TMEM135: variants seen among roughly 807,000 people sequenced by gnomAD.
TMEM135 encodes the protein transmembrane protein 135, also known as peroxisomal membrane protein 52.
In TMEM135, 30 loss-of-function variants were observed where a neutral mutation model predicts 60.3. That is an observed-to-expected ratio of 0.50 (90% CI 0.37 to 0.68). TMEM135 has a LOEUF of 0.68. TMEM135 is among the 30% of genes least tolerant of loss of function. The pLI is 0.00. For synonymous variants in TMEM135, 190 were observed against 186.7 expected (o/e 1.02, Z -0.14); for missense variants, 468 against 548.8 (o/e 0.85, Z 1.47).
intron 5 of TMEM135, among the ~76,000 whole-genome samples, chr11:87,222,181 C>CAAAAAAAAA (rs386374401): frequency 0.019 from 1,077 of 55,396 alleles, 73 homozygotes; most frequent in Non-Finnish European, 0.029. Flanking sequence ...GACTCTGTCT[C>CAAAAAAAAA]AAAAAAAAAA....
chr11:87,105,501 A>G (rs927393458), intron 4 of TMEM135, among the ~76,000 whole-genome samples: 3 of 152,138 alleles, frequency 2.0e-5, no homozygotes, highest in African/African-American at 7.2e-5. Flanking sequence ...TCTGGTTCCA[A>G]AAAAGTTGGG....
At chr11:87,310,624 TAA>T (rs11317985) in intron 10 of TMEM135, among the ~76,000 whole-genome samples, 148 of 130,282 alleles carry the variant, frequency 1.1e-3, no homozygotes, top group East Asian at 1.1e-3. Context: ...AAGTTGCAAT[TAA>T]AAAAAAAAAA....
At chr11:87,150,232 A>G (rs1423713006) in intron 4 of TMEM135, among the ~76,000 whole-genome samples, 12 of 146,916 alleles carry the variant, frequency 8.2e-5, no homozygotes, top group Admixed American at 4.7e-4. Context: ...AAAAAAAAAA[A>G]AAAGAAAAAA....
rs951222679 is a variant in TMEM135 at position 87,182,184 on chromosome 11, G to GT, written c.462+24784dup. 2.6e-5 allele frequency among the ~76,000 whole-genome samples: 4 copies of GT among 151,964 alleles called. No individual in the cohort carries two copies. In the East Asian group the frequency reaches 7.7e-4, roughly 29 times the overall value. On this transcript the variant is annotated intron_variant, in intron 5 of 14. Coordinates refer to ENST00000305494, the MANE Select transcript of TMEM135 (RefSeq NM_022918.4). Reference sequence around the variant, plus strand: ...TGTTTGCATTTCAAATGAAATGTACGTTTTTTAGTTTTTATTAATATTATG... The same window carrying GT: ...TGTTTGCATTTCAAATGAAATGTACGTTTTTTTAGTTTTTATTAATATTATG...
At chr11:87,282,879 A>T (rs1046565713) in intron 6 of TMEM135, among the ~76,000 whole-genome samples, 84 of 152,138 alleles carry the variant, frequency 5.5e-4, no homozygotes, top group African/African-American at 1.9e-3. Flanking sequence ...ATACCATTCT[A>T]TGGGCTAGCA....
intron 12 of TMEM135, among the ~76,000 whole-genome samples, chr11:87,315,336 A>G (rs1942709627): frequency 6.6e-6 from 1 of 151,912 alleles, no homozygotes; most frequent in Non-Finnish European, 1.5e-5. Context: ...CTAGATCTTG[A>G]GACCTAAGCA....
At chr11:87,289,126 T>C (rs1942218579) in intron 6 of TMEM135, among the ~76,000 whole-genome samples, 1 of 152,232 alleles carries the variant, frequency 6.6e-6, no homozygotes, top group African/African-American at 2.4e-5. Flanking sequence ...TGCACCTTCT[T>C]CTGAGACCAC....
chr11:87,129,766 C>T (rs1937864592), intron 4 of TMEM135, among the ~76,000 whole-genome samples: 1 of 152,090 alleles, frequency 6.6e-6, no homozygotes, highest in African/African-American at 2.4e-5. Context: ...GTCTCAAACT[C>T]CTGACCTCAG....
intron 5 of TMEM135, among the ~76,000 whole-genome samples, chr11:87,223,178 T>C (rs538148907): frequency 6.6e-6 from 1 of 151,638 alleles, no homozygotes; most frequent in Admixed American, 6.6e-5. Context: ...TTTTTTTTTT[T>C]TTCTGAGATG....
chr11:87,319,642 G>A lies in TMEM135; in HGVS notation c.1244+265G>A, dbSNP rs149352789. Among the ~76,000 whole-genome samples, 175 of 151,110 alleles carry A rather than the reference G, an allele frequency of 1.2e-3. 2 individuals carry two copies. Among genetic ancestry groups the A allele is most frequent in the African/African-American group, 4.1e-3 (166 of 40,474 alleles). ...GCTACATAAATACTTAAGTCTGACT[G>A]TTTGAATCACTGTCCATTTCTTTTT... On this transcript the variant is annotated intron_variant, in intron 14 of 14. Transcript: ENST00000305494.
chr11:87,208,457 G>A (rs1479619934), intron 5 of TMEM135, among the ~76,000 whole-genome samples: 1 of 152,056 alleles, frequency 6.6e-6, no homozygotes, highest in East Asian at 1.9e-4. Context: ...CCAAGCTGAG[G>A]AAAGAATTGA....
Position 87,327,312 on chromosome 11 carries a change from A to G in TMEM135, c.*5979A>G. 1 of 454,052 alleles carries G rather than the reference A, an allele frequency of 2.2e-6. No homozygotes were observed. Among genetic ancestry groups the G allele is most frequent in the South Asian group, 1.6e-5 (1 of 64,476 alleles). 28.1% of individuals were successfully genotyped at this position (454,052 alleles called of 1,614,324 possible). ...AGTAGGGTCTGAATCTGTGGCAGCA[A>G]TCTTGCAGACATGAAATGAAAAGTA... is the stretch of plus-strand genomic sequence containing the variant. On this transcript the variant is annotated 3_prime_UTR_variant, in exon 15 of 15. Coordinates refer to ENST00000305494, the MANE Select transcript of TMEM135 (RefSeq NM_022918.4).
rs752245078 is a variant in TMEM135, at chr11:87,321,676, T to G, written c.*343T>G. ...CTTAAAATTACTTTAAAAGATGTCTTTAGTTCATTCCAATATAATTCTTGA... is the reference window on the plus strand; with the variant it reads ...CTTAAAATTACTTTAAAAGATGTCTGTAGTTCATTCCAATATAATTCTTGA... On this transcript the variant is annotated 3_prime_UTR_variant, in exon 15 of 15. Transcript: ENST00000305494. 6.3e-6 allele frequency: 3 copies of G among 479,898 alleles called. No homozygotes were observed. The highest frequency in any genetic ancestry group is 1.2e-5 in the Non-Finnish European group (3 of 244,700). 29.7% of individuals were successfully genotyped at this position (479,898 alleles called of 1,614,324 possible). A position where few individuals can be genotyped will look rare whatever the true frequency, so the allele number is the denominator to read the frequency against.
chr11:87,096,872 C>A (rs1053240478), intron 4 of TMEM135, among the ~76,000 whole-genome samples: 10 of 152,034 alleles, frequency 6.6e-5, no homozygotes, highest in Non-Finnish European at 1.3e-4. Context: ...TTTTCATTAC[C>A]CACATATTTT....
chr11:87,325,176 T>C lies in TMEM135; in HGVS notation c.*3843T>C. ...TAGATTCTAGGGCTTTGTAGTACTA[T>C]GTTTCTGTTTAAAGTAGTGGCCTCA... On this transcript the variant is annotated 3_prime_UTR_variant, in exon 15 of 15. Coordinates refer to ENST00000305494, the MANE Select transcript of TMEM135 (RefSeq NM_022918.4). 1 of 454,106 alleles carries C rather than the reference T, an allele frequency of 2.2e-6. No individual in the cohort carries two copies. Among genetic ancestry groups the C allele is most frequent in the Non-Finnish European group, 4.4e-6 (1 of 226,782 alleles). 28.1% of individuals were successfully genotyped at this position (454,106 alleles called of 1,614,324 possible).
At chr11:87,077,231 G>A (rs1856892322) in intron 3 of TMEM135, among the ~76,000 whole-genome samples, 1 of 152,196 alleles carries the variant, frequency 6.6e-6, no homozygotes, top group South Asian at 2.1e-4. Context: ...ATGGAATGAT[G>A]CAATGTATAA....
chr11:87,055,742 C>G lies in TMEM135; in HGVS notation c.142-11952C>G, dbSNP rs1949888372. Among the ~76,000 whole-genome samples, 3 of 152,106 alleles carry G rather than the reference C, an allele frequency of 2.0e-5. No homozygotes were observed. In the South Asian group the frequency reaches 6.2e-4, roughly 32 times the overall value. ...TGTAGCTGGGACTACAAGTATGCGC[C>G]ACCATGCTTGGCTAATTTTGTATTT... is the stretch of plus-strand genomic sequence containing the variant. On this transcript the variant is annotated intron_variant, in intron 1 of 14. Coordinates refer to ENST00000305494, the MANE Select transcript of TMEM135 (RefSeq NM_022918.4).
intron 4 of TMEM135, 143 bp downstream of exon 4, chr11:87,091,538 A>G: frequency 1.3e-6 from 1 of 799,326 alleles, no homozygotes; most frequent in Middle Eastern, 3.6e-4. Flanking sequence ...TTAAATGTTC[A>G]AAAAAGCCTT....
intron 4 of TMEM135, among the ~76,000 whole-genome samples, chr11:87,147,704 G>C (rs1283675159): frequency 6.6e-6 from 1 of 152,060 alleles, no homozygotes; most frequent in Non-Finnish European, 1.5e-5. Context: ...TTACATCTAG[G>C]TTTTATGTCT....
Sources: gnomAD v4.1 joint callset for allele counts (sites outside exome capture counted in the v4.1 genomes callset) on GRCh38, gnomAD v4.1.1 for gene constraint, MANE v1.5 for transcripts, NCBI Gene and HGNC (gene_info 2026-07-23, HGNC 2026-07-21) for gene names.